Variants in IL6ST observed in about 807,000 individuals in gnomAD.
IL6ST encodes the protein interleukin 6 cytokine family signal transducer, also known as interleukin-6 receptor subunit beta.
Under a neutral mutation model 91.3 loss-of-function variants are expected in IL6ST, and 24 were observed. The observed-to-expected ratio is 0.26, with a 90% CI of 0.19 to 0.37. IL6ST has a LOEUF of 0.37. IL6ST is among the 10% of genes least tolerant of loss of function. IL6ST has a pLI of 1.00. For synonymous variants in IL6ST, 351 were observed against 373.6 expected, an observed-to-expected ratio of 0.94 and a Z score of 0.70; for missense variants, 914 against 1,078.5, an observed-to-expected ratio of 0.85 and a Z score of 2.14.
chr5:55,973,871 AC>A (rs1426275655), intron 3 of IL6ST, among the ~76,000 whole-genome samples: 2 of 152,254 alleles, frequency 1.3e-5, no homozygotes, highest in African/African-American at 4.8e-5. Flanking sequence ...AGGACTACAA[AC>A]AACTGCCAAC....
In IL6ST at chr5:55,940,398, G is replaced by C. The variant is rs1184719510; in HGVS notation, c.*684C>G. ...ATAATATGCAAATTTTTGAAAACTA[G>C]TGAGATTACTAATTATTGATGAATA... is the stretch of plus-strand genomic sequence containing the variant. On this transcript the variant is annotated 3_prime_UTR_variant, in exon 17 of 17. Coordinates refer to ENST00000381298, the MANE Select transcript of IL6ST (RefSeq NM_002184.4). The C allele has an allele frequency of 9.5e-6, 2 of 209,462 alleles. No individual in the cohort carries two copies. The highest frequency in any genetic ancestry group is 4.5e-5 in the African/African-American group (2 of 44,114). The allele number at this position is 209,462 out of a possible 1,614,324, so 13.0% of individuals were successfully genotyped here. A position where few individuals can be genotyped will look rare whatever the true frequency, so the allele number is the denominator to read the frequency against.
intron 3 of IL6ST, among the ~76,000 whole-genome samples, chr5:55,972,174 CAG>C (rs1430318065): frequency 1.3e-5 from 2 of 152,082 alleles, no homozygotes; most frequent in Admixed American, 6.6e-5. Context: ...ATTAGAGACT[CAG>C]TATGAATAAT....
chr5:55,973,681 G>T (rs1444446753), intron 3 of IL6ST, among the ~76,000 whole-genome samples: 1 of 152,194 alleles, frequency 6.6e-6, no homozygotes, highest in Non-Finnish European at 1.5e-5. Context: ...GATTGTGCCT[G>T]CCTATCTATA....
At chr5:55,964,387 A>C (rs1752518533) in intron 5 of IL6ST, 75 bp from the exon 6 acceptor site, 13 of 1,073,588 alleles carry the variant, frequency 1.2e-5, no homozygotes, top group Non-Finnish European at 8.3e-6. Flanking sequence ...ATTACTTGCA[A>C]AGAGTTTGAT....
At chr5:55,948,934 CGTT>C (rs1751443433) in intron 14 of IL6ST, 1 of 151,958 alleles carries the variant, frequency 6.6e-6, no homozygotes, top group Non-Finnish European at 1.5e-5. Context: ...GTAAGGTCCT[CGTT>C]GGCAAGACTC....
chr5:55,945,648 C>CTTTTTTTTTT lies in IL6ST; in HGVS notation c.1937+1835_1937+1844dup, dbSNP rs70995749. On this transcript the variant is annotated intron_variant, in intron 15 of 16. Transcript: ENST00000381298. ...ACTTCATCAAAATAAAAAACTTATG[C>CTTTTTTTTTT]TTTTTTTTTTTTTTTTTTTTTTTTT... Among the ~76,000 whole-genome samples, 4 of 41,680 alleles carry CTTTTTTTTTT rather than the reference C, an allele frequency of 9.6e-5. 1 individual carries two copies. The highest frequency in any genetic ancestry group is 4.0e-4 in the African/African-American group (4 of 10,018). 27.3% of individuals were successfully genotyped at this position (41,680 alleles called of 152,430 possible). A position where few individuals can be genotyped will look rare whatever the true frequency, so the allele number is the denominator to read the frequency against.
intron 2 of IL6ST, among the ~76,000 whole-genome samples, chr5:55,981,139 A>C (rs1753643617): frequency 6.6e-6 from 1 of 152,252 alleles, no homozygotes. Context: ...ATGGAACACA[A>C]GCAAAGCGAA....
At chr5:55,952,725 C>G (rs2111684094) in intron 11 of IL6ST, among the ~76,000 whole-genome samples, 1 of 152,234 alleles carries the variant, frequency 6.6e-6, no homozygotes, top group Non-Finnish European at 1.5e-5. Context: ...TAGGGGAAAG[C>G]ACTAACGGTC....
At chr5:55,969,356 A>C (rs1169953434) in intron 4 of IL6ST, among the ~76,000 whole-genome samples, 194 bp downstream of exon 4, 1 of 152,114 alleles carries the variant, frequency 6.6e-6, no homozygotes, top group East Asian at 1.9e-4. Context: ...TTCTCTAGTA[A>C]AGTGAAACTG....
At chr5:55,957,115 G>A (rs1417233118) in intron 9 of IL6ST, 94 bp downstream of exon 9, 5 of 606,586 alleles carry the variant, frequency 8.2e-6, no homozygotes, top group South Asian at 4.0e-5. Flanking sequence ...CCAAGATCAC[G>A]CCACTACACT....
chr5:55,985,119 ATTCTT>A, intron 1 of IL6ST, among the ~76,000 whole-genome samples: 1 of 152,324 alleles, frequency 6.6e-6, no homozygotes, highest in South Asian at 2.1e-4. Context: ...TTGTCTTTTC[ATTCTT>A]TTAACAGTAT....
At chr5:55,977,033 A>G (rs990842384) in intron 2 of IL6ST, among the ~76,000 whole-genome samples, 1 of 152,194 alleles carries the variant, frequency 6.6e-6, no homozygotes, top group South Asian at 2.1e-4. Context: ...AGCTTCATTC[A>G]TAAGTCCCAA....
chr5:55,976,797 A>G (rs1313668205), intron 2 of IL6ST, among the ~76,000 whole-genome samples: 1 of 152,240 alleles, frequency 6.6e-6, no homozygotes, highest in Non-Finnish European at 1.5e-5. Flanking sequence ...ATACAAGTAA[A>G]TCAAGCATGT....
In IL6ST at chr5:55,942,543, A is replaced by T. The variant is rs1026950596; in HGVS notation, c.2019+127T>A. 17 of 527,918 alleles carry T rather than the reference A, an allele frequency of 3.2e-5. No homozygotes were observed. In the Admixed American group the frequency reaches 4.3e-4, roughly 13 times the overall value. 32.7% of individuals were successfully genotyped at this position (527,918 alleles called of 1,614,324 possible). ...CTGTTTTATCTTCATTTACTTTTTG[A>T]TTCAGCTTGAATATCTTATCTTTTG... On this transcript the variant is annotated intron_variant, in intron 16 of 16. Transcript: ENST00000381298.
chr5:55,954,825 G>A lies in IL6ST; in HGVS notation c.1435C>T (p.Arg479Cys), dbSNP rs750312883. Residue 479 changes from arginine (R) to cysteine (C), a missense_variant, in exon 11 of 17, where the codon CGC becomes TGC. Coordinates refer to ENST00000381298, the MANE Select transcript of IL6ST (RefSeq NM_002184.4). The stretch of plus-strand genomic sequence containing the variant: ...CCAGGTATACCTCTTAAATAGGTGC[G>A]ATGCACGGTACCATCTTCTTGTTGC... Reference protein sequence around the residue: ...DWQQEDGTVHRTYLRGNLAES... With the variant: ...DWQQEDGTVHCTYLRGNLAES... 14 of 1,608,060 alleles carry A rather than the reference G, an allele frequency of 8.7e-6. No homozygotes were observed. Among genetic ancestry groups the A allele is most frequent in the East Asian group, 2.2e-5 (1 of 44,788 alleles).
chr5:55,963,932 T>G (rs1470849299), intron 6 of IL6ST, among the ~76,000 whole-genome samples: 1 of 152,148 alleles, frequency 6.6e-6, no homozygotes, highest in Non-Finnish European at 1.5e-5. Flanking sequence ...ATAAAATGAC[T>G]TCATAAAAAT....
intron 14 of IL6ST, 103 bp from the exon 15 acceptor site, chr5:55,947,692 G>T: frequency 1.5e-6 from 1 of 662,168 alleles, no homozygotes; most frequent in Non-Finnish European, 2.6e-6. Flanking sequence ...ACTTACTGTT[G>T]AAAAGATAAA....
At position 55,951,850 on chromosome 5, in the gene IL6ST, A is replaced by G. The variant is rs911145347; in HGVS notation, c.1699+79T>C. Reference sequence around the variant, plus strand: ...AGGCCAATATACTATAAGATGTATAAGAAGAACAGACTTAAATTAGTACTT... The same window carrying G: ...AGGCCAATATACTATAAGATGTATAGGAAGAACAGACTTAAATTAGTACTT... On this transcript the variant is annotated intron_variant, in intron 13 of 16. Transcript: ENST00000381298. 79 of 926,214 alleles carry G rather than the reference A, an allele frequency of 8.5e-5. 2 individuals carry two copies. In the Admixed American group the frequency reaches 1.9e-3, roughly 23 times the overall value. 57.4% of individuals were successfully genotyped at this position (926,214 alleles called of 1,614,324 possible).
At chr5:55,973,667 G>A (rs1237850811) in intron 3 of IL6ST, among the ~76,000 whole-genome samples, 8 of 152,174 alleles carry the variant, frequency 5.3e-5, no homozygotes, top group Non-Finnish European at 1.0e-4. Context: ...AGATGAATAC[G>A]TCTGATTGTG....
Sources: allele counts gnomAD v4.1 joint callset (sites outside exome capture counted in the v4.1 genomes callset), GRCh38; gene constraint gnomAD v4.1.1; transcripts MANE v1.5; gene names NCBI Gene and HGNC (gene_info 2026-07-23, HGNC 2026-07-21).